ACOXL: variants seen among roughly 807,000 people sequenced by gnomAD.
ACOXL encodes the protein acyl-coenzyme A oxidase-like protein.
Under a neutral mutation model 71.9 loss-of-function variants are expected in ACOXL, and 70 were observed. The observed-to-expected ratio is 0.97, with a 90% CI of 0.80 to 1.19. The LOEUF (loss-of-function observed/expected upper bound fraction) is 1.19, where lower values mean the gene tolerates loss of function less well. ACOXL is among the 50% of genes most tolerant of loss of function. ACOXL has a pLI of 0.00. For missense variants in ACOXL, 703 were observed against 736.3 expected (o/e 0.95, Z 0.52); for synonymous variants, 253 against 281.6 (o/e 0.90, Z 1.02).
intron 12 of ACOXL, among the ~76,000 whole-genome samples, chr2:110,936,570 C>T (rs1342666192): frequency 2.0e-5 from 3 of 152,150 alleles, no homozygotes; most frequent in Non-Finnish European, 4.4e-5. Context: ...TCTACCCACA[C>T]TTTTGCCTAA....
Position 110,933,640 on chromosome 2 carries a change from A to C in ACOXL, c.1057A>C (p.Met353Leu). 6.2e-7 allele frequency: 1 copy of C among 1,610,224 alleles called. No individual in the cohort carries two copies. Among genetic ancestry groups the C allele is most frequent in the Non-Finnish European group, 8.5e-7 (1 of 1,178,622 alleles). ...LQDCRECTGG[M>L]VVGRELLAQY... ...GGACTGCCGCGAGTGCACTGGAGGCATGGTGAGCCCCAAGGCCTGCAGCCC... is the reference window on the plus strand; with the variant it reads ...GGACTGCCGCGAGTGCACTGGAGGCCTGGTGAGCCCCAAGGCCTGCAGCCC... The change falls in exon 12 of 18, where the codon ATG (methionine) becomes CTG (leucine). Residue 353 changes from methionine (M) to leucine (L), a missense_variant and splice_region_variant. Transcript: ENST00000439055.
chr2:111,111,817 C>T (rs1414068622), intron 17 of ACOXL, among the ~76,000 whole-genome samples: 1 of 152,128 alleles, frequency 6.6e-6, no homozygotes, highest in Non-Finnish European at 1.5e-5. Context: ...AAATAATCAA[C>T]CTGCGCCAAG....
intron 10 of ACOXL, among the ~76,000 whole-genome samples, chr2:110,877,623 C>T (rs1309726710): frequency 6.6e-6 from 1 of 152,200 alleles, no homozygotes; most frequent in Non-Finnish European, 1.5e-5. Flanking sequence ...AGACTCCGCT[C>T]TACTTGGGTC....
Position 111,104,327 on chromosome 2 carries a change from G to T in ACOXL, c.1542+11361G>T, listed in dbSNP as rs1026479396. 1.3e-4 allele frequency among the ~76,000 whole-genome samples: 20 copies of T among 152,268 alleles called. No individual in the cohort carries two copies. The South Asian group carries it at 3.9e-3, about 30-fold the overall frequency. On this transcript the variant is annotated intron_variant, in intron 17 of 17. Coordinates refer to ENST00000439055, the MANE Select transcript of ACOXL (RefSeq NM_001142807.4). ...CATACAGGATTTTGTGTGAATATAGGTTTTAATTTCTCTGTAGTAGATGTT... is the reference window on the plus strand; with the variant it reads ...CATACAGGATTTTGTGTGAATATAGTTTTTAATTTCTCTGTAGTAGATGTT...
chr2:111,021,267 C>G (rs2064745652), intron 14 of ACOXL, among the ~76,000 whole-genome samples: 1 of 152,204 alleles, frequency 6.6e-6, no homozygotes, highest in Non-Finnish European at 1.5e-5. Flanking sequence ...GACAAGAATC[C>G]TGCAGCTGGC....
chr2:110,771,511 A>G (rs1681926077), intron 2 of ACOXL, among the ~76,000 whole-genome samples: 1 of 152,218 alleles, frequency 6.6e-6, no homozygotes, highest in South Asian at 2.1e-4. Context: ...ATAAGAAGGG[A>G]GTCTCATTCA....
intron 16 of ACOXL, among the ~76,000 whole-genome samples, chr2:111,089,288 C>G (rs1283379921): frequency 6.6e-6 from 1 of 151,848 alleles, no homozygotes; most frequent in Non-Finnish European, 1.5e-5. Flanking sequence ...TAGACCGAGA[C>G]TCCGTCTCAA....
intron 12 of ACOXL, among the ~76,000 whole-genome samples, chr2:110,961,894 A>G (rs1157833858): frequency 6.6e-6 from 1 of 152,210 alleles, no homozygotes; most frequent in South Asian, 2.1e-4. Context: ...CCATGAGAGC[A>G]GGGCAGAAAA....
rs1441350896 is a variant in ACOXL, at chr2:110,978,329, A to G, written c.1060-8779A>G. On this transcript the variant is annotated intron_variant, in intron 12 of 17. Coordinates refer to ENST00000439055, the MANE Select transcript of ACOXL (RefSeq NM_001142807.4). ...CCCTTTTCTAAAGGCACCTAATCGC[A>G]TCCACAAGGGAGGAGCCCTCATGGC... is the stretch of plus-strand genomic sequence containing the variant. Among the ~76,000 whole-genome samples the G allele has an allele frequency of 2.0e-5, 3 of 152,200 alleles. No homozygotes were observed. In the East Asian group the frequency reaches 5.8e-4, roughly 29 times the overall value.
Position 111,052,803 on chromosome 2 carries a change from C to T in ACOXL, c.1440+3515C>T, listed in dbSNP as rs1200148012. ...TGACTCCAGGTGTCACCTGAGCTCA[C>T]GTCCAAGCAAGCTCAGCAAGTCTAA... On this transcript the variant is annotated intron_variant, in intron 16 of 17. Transcript: ENST00000439055. Among the ~76,000 whole-genome samples the T allele has an allele frequency of 4.6e-5, 7 of 152,126 alleles. No homozygotes were observed. The East Asian group carries it at 7.7e-4, about 17-fold the overall frequency.
At chr2:110,847,550 C>T (rs1347326431) in intron 10 of ACOXL, among the ~76,000 whole-genome samples, 1 of 152,198 alleles carries the variant, frequency 6.6e-6, no homozygotes, top group Non-Finnish European at 1.5e-5. Context: ...CCATTTGGTT[C>T]TGTGATAGTT....
At chr2:110,767,923 AACACACACACACACACACACACACAC>A (rs58524964) in intron 1 of ACOXL, among the ~76,000 whole-genome samples, 13 of 114,450 alleles carry the variant, frequency 1.1e-4, no homozygotes, top group African/African-American at 3.1e-4. Flanking sequence ...GTCTCTACTA[AACACACACACACACACACACACACAC>A]ACACACACAC....
At chr2:110,990,805 C>T (rs1017532789) in intron 13 of ACOXL, among the ~76,000 whole-genome samples, 16 of 152,034 alleles carry the variant, frequency 1.1e-4, no homozygotes, top group Admixed American at 3.9e-4. Flanking sequence ...TAATTTTTGC[C>T]GATCATCTAA....
intron 14 of ACOXL, among the ~76,000 whole-genome samples, chr2:111,021,989 A>G (rs1427532530): frequency 6.6e-6 from 1 of 152,188 alleles, no homozygotes; most frequent in East Asian, 1.9e-4. Flanking sequence ...GACAGAACTC[A>G]TCTAGACCAG....
At chr2:110,890,790 C>T (rs1330584899) in intron 10 of ACOXL, among the ~76,000 whole-genome samples, 4 of 152,082 alleles carry the variant, frequency 2.6e-5, no homozygotes, top group South Asian at 4.1e-4. Context: ...TCTGGCTCTC[C>T]TGGGCCCCTT....
chr2:110,842,203 C>G (rs536225936), intron 10 of ACOXL, among the ~76,000 whole-genome samples: 1 of 152,132 alleles, frequency 6.6e-6, no homozygotes, highest in Non-Finnish European at 1.5e-5. Context: ...ATTGGGCAAT[C>G]ATAGGCAATA....
At chr2:110,767,440 A>T (rs189900132) in intron 1 of ACOXL, among the ~76,000 whole-genome samples, 1 of 152,224 alleles carries the variant, frequency 6.6e-6, no homozygotes, top group Non-Finnish European at 1.5e-5. Flanking sequence ...CCTCAGACAC[A>T]GTACAGTGAT....
intron 9 of ACOXL, among the ~76,000 whole-genome samples, chr2:110,815,593 T>C (rs72942190): frequency 0.023 from 3,431 of 152,334 alleles, 136 homozygotes; most frequent in African/African-American, 0.078. Flanking sequence ...CAAAGTCCCC[T>C]GCTTCTGTGA....
intron 10 of ACOXL, among the ~76,000 whole-genome samples, chr2:110,885,397 T>C (rs1697156498): frequency 6.6e-6 from 1 of 152,206 alleles, no homozygotes; most frequent in Non-Finnish European, 1.5e-5. Flanking sequence ...AATTAATCCC[T>C]GTAATACACA....
Sources: gnomAD v4.1 joint callset for allele counts (sites outside exome capture counted in the v4.1 genomes callset) on GRCh38, gnomAD v4.1.1 for gene constraint, MANE v1.5 for transcripts, NCBI Gene and HGNC (gene_info 2026-07-23, HGNC 2026-07-21) for gene names.